XKR4: variants seen among roughly 807,000 people sequenced by gnomAD.
XKR4 encodes XK-related protein 4.
XKR4 carries 12 observed loss-of-function variants against 53.9 expected under a neutral mutation model. The observed-to-expected ratio is 0.22, with a 90% CI of 0.14 to 0.36. The LOEUF is 0.36. XKR4 is among the 10% of genes least tolerant of loss of function. XKR4 has a pLI of 1.00. For synonymous variants in XKR4, 354 were observed against 362.4 expected, an observed-to-expected ratio of 0.98 and a Z score of 0.26; for missense variants, 799 against 859.5, an observed-to-expected ratio of 0.93 and a Z score of 0.88.
At chr8:55,314,274 G>T (rs1026530665) in intron 1 of XKR4, among the ~76,000 whole-genome samples, 2 of 152,172 alleles carry the variant, frequency 1.3e-5, no homozygotes, top group African/African-American at 2.4e-5. Context: ...TTTAGGTCAG[G>T]GATGTTGTTC....
At chr8:55,139,555 A>G (rs151208768) in intron 1 of XKR4, among the ~76,000 whole-genome samples, 1 of 151,102 alleles carries the variant, frequency 6.6e-6, no homozygotes, top group African/African-American at 2.4e-5. Context: ...CTTTGGCCCT[A>G]ACGGAAATAG....
chr8:55,150,059 A>G (rs1816820984), intron 1 of XKR4, among the ~76,000 whole-genome samples: 1 of 152,210 alleles, frequency 6.6e-6, no homozygotes, highest in South Asian at 2.1e-4. Flanking sequence ...AAATCAGCCT[A>G]AAGCTTCTAT....
intron 1 of XKR4, among the ~76,000 whole-genome samples, chr8:55,163,597 G>C (rs1420837893): frequency 1.3e-5 from 2 of 152,166 alleles, no homozygotes; most frequent in Non-Finnish European, 2.9e-5. Flanking sequence ...TGTAATCCCA[G>C]CACTTTGGGA....
intron 2 of XKR4, among the ~76,000 whole-genome samples, chr8:55,511,347 G>A (rs1332625236): frequency 6.6e-6 from 1 of 152,198 alleles, no homozygotes; most frequent in African/African-American, 2.4e-5. Context: ...ATGAAGCCAG[G>A]AAACATAAGC....
At chr8:55,105,869 G>A (rs1165549368) in intron 1 of XKR4, among the ~76,000 whole-genome samples, 1 of 152,188 alleles carries the variant, frequency 6.6e-6, no homozygotes, top group Non-Finnish European at 1.5e-5. Context: ...ATTTCTCTGA[G>A]TGTTGAACAT....
intron 2 of XKR4, among the ~76,000 whole-genome samples, chr8:55,376,362 C>T (rs959918001): frequency 6.6e-6 from 1 of 152,152 alleles, no homozygotes; most frequent in African/African-American, 2.4e-5. Context: ...AAAAGCATTC[C>T]TATTTCTCTG....
intron 1 of XKR4, among the ~76,000 whole-genome samples, chr8:55,262,682 G>A (rs2129371339): frequency 6.6e-6 from 1 of 152,318 alleles, no homozygotes; most frequent in Non-Finnish European, 1.5e-5. Context: ...GGCTTCCAGA[G>A]CTGAGAGAGG....
intron 1 of XKR4, among the ~76,000 whole-genome samples, chr8:55,110,726 A>G (rs1430509895): frequency 6.6e-6 from 1 of 152,150 alleles, no homozygotes; most frequent in East Asian, 1.9e-4. Context: ...AAGCTATCTG[A>G]TAGGTATTTT....
At chr8:55,410,105 CT>C (rs1344224694) in intron 2 of XKR4, among the ~76,000 whole-genome samples, 2 of 151,432 alleles carry the variant, frequency 1.3e-5, no homozygotes, top group African/African-American at 4.9e-5. Context: ...AAAAAAAAGC[CT>C]TTTGAAATGG....
At chr8:55,461,084 T>C (rs1234995091) in intron 2 of XKR4, among the ~76,000 whole-genome samples, 1 of 152,228 alleles carries the variant, frequency 6.6e-6, no homozygotes, top group Non-Finnish European at 1.5e-5. Flanking sequence ...CAATAACCTC[T>C]GCAGACTTAA....
At chr8:55,208,227 T>C (rs1817677264) in intron 1 of XKR4, among the ~76,000 whole-genome samples, 1 of 152,194 alleles carries the variant, frequency 6.6e-6, no homozygotes, top group Non-Finnish European at 1.5e-5. Flanking sequence ...GTAATATTAT[T>C]AACTAGAGTC....
intron 1 of XKR4, 107 bp downstream of exon 1, chr8:55,103,401 T>C: frequency 6.8e-7 from 1 of 1,478,502 alleles, no homozygotes; most frequent in South Asian, 1.4e-5. Flanking sequence ...GTAACCCTAG[T>C]CACACTCTTC....
At chr8:55,195,116 G>C (rs1817487401) in intron 1 of XKR4, among the ~76,000 whole-genome samples, 1 of 152,076 alleles carries the variant, frequency 6.6e-6, no homozygotes, top group Admixed American at 6.6e-5. Flanking sequence ...AGTCGATACT[G>C]TCCCTTGTTT....
chr8:55,315,231 T>C (rs183471392), intron 1 of XKR4, among the ~76,000 whole-genome samples: 1 of 152,268 alleles, frequency 6.6e-6, no homozygotes, highest in African/African-American at 2.4e-5. Context: ...CACAGCACTA[T>C]TCTGAGCTGC....
At chr8:55,175,915 T>C (rs894515563) in intron 1 of XKR4, among the ~76,000 whole-genome samples, 2 of 152,182 alleles carry the variant, frequency 1.3e-5, no homozygotes, top group African/African-American at 2.4e-5. Context: ...ATCAGACTAG[T>C]TATTGTTGTT....
intron 2 of XKR4, among the ~76,000 whole-genome samples, chr8:55,469,777 T>C (rs984322704): frequency 1.3e-5 from 2 of 152,068 alleles, no homozygotes; most frequent in Non-Finnish European, 2.9e-5. Context: ...ATGAGCTAAC[T>C]AGGAACAAAT....
intron 1 of XKR4, among the ~76,000 whole-genome samples, chr8:55,128,255 C>T (rs1329604653): frequency 2.0e-5 from 3 of 152,150 alleles, no homozygotes; most frequent in African/African-American, 7.2e-5. Flanking sequence ...GAACAGGAAA[C>T]CTGTTGTTTC....
intron 2 of XKR4, among the ~76,000 whole-genome samples, chr8:55,423,724 AC>A (rs1175499784): frequency 3.5e-4 from 54 of 152,296 alleles, no homozygotes; most frequent in African/African-American, 1.3e-3. Context: ...TTGTTCTCAA[AC>A]CCGGCACCAG....
chr8:55,352,024 A>C (rs1803731504), intron 1 of XKR4, among the ~76,000 whole-genome samples: 1 of 152,236 alleles, frequency 6.6e-6, no homozygotes, highest in Non-Finnish European at 1.5e-5. Context: ...GTTTCTTTAT[A>C]GGGGTACAAA....
Sources: gnomAD v4.1 joint callset for allele counts (sites outside exome capture counted in the v4.1 genomes callset) on GRCh38, gnomAD v4.1.1 for gene constraint, MANE v1.5 for transcripts, NCBI Gene and HGNC (gene_info 2026-07-23, HGNC 2026-07-21) for gene names.